CACHD1: variants seen among roughly 807,000 people sequenced by gnomAD.
CACHD1 encodes cache domain containing 1.
In CACHD1, 71 loss-of-function variants were observed where a neutral mutation model predicts 138.7. That is an observed-to-expected ratio of 0.51 (90% CI 0.42 to 0.62). The LOEUF (loss-of-function observed/expected upper bound fraction) is 0.62. Among genes scored for constraint, CACHD1 ranks in the 20% least tolerant of loss-of-function variants. CACHD1 has a pLI of 0.00. For missense variants in CACHD1, 1,389 were observed against 1,625.3 expected (o/e 0.85, Z 2.50); for synonymous variants, 578 against 591.5 (o/e 0.98, Z 0.33).
chr1:64,619,107 T>A (rs1170135881), intron 4 of CACHD1, among the ~76,000 whole-genome samples: 3 of 152,168 alleles, frequency 2.0e-5, no homozygotes. Flanking sequence ...CATGGTTGGT[T>A]TTGTTTTGAC....
At chr1:64,554,147 T>C (rs1258593159) in intron 2 of CACHD1, among the ~76,000 whole-genome samples, 2 of 152,186 alleles carry the variant, frequency 1.3e-5, no homozygotes, top group Non-Finnish European at 2.9e-5. Flanking sequence ...TCCTCCTGCC[T>C]CAGCCTCCCG....
intron 1 of CACHD1, among the ~76,000 whole-genome samples, chr1:64,537,327 A>G (rs1646640897): frequency 6.6e-6 from 1 of 151,998 alleles, no homozygotes; most frequent in South Asian, 2.1e-4. Flanking sequence ...TCTGCAACAT[A>G]TTTCTTAACT....
chr1:64,557,999 A>G (rs1326053981), intron 2 of CACHD1, among the ~76,000 whole-genome samples: 1 of 151,898 alleles, frequency 6.6e-6, no homozygotes, highest in African/African-American at 2.4e-5. Context: ...GGGTTTCACC[A>G]TGTTGGCCAG....
intron 8 of CACHD1, among the ~76,000 whole-genome samples, chr1:64,643,729 T>G (rs1458608218): frequency 2.0e-5 from 3 of 152,088 alleles, no homozygotes; most frequent in African/African-American, 7.2e-5. Context: ...TCCCAGCTAC[T>G]CGGGAAGCTG....
chr1:64,557,277 TG>T (rs1024633999), intron 2 of CACHD1, among the ~76,000 whole-genome samples: 2 of 152,162 alleles, frequency 1.3e-5, no homozygotes, highest in Non-Finnish European at 2.9e-5. Flanking sequence ...AGGAGCTTCT[TG>T]GGGGGCTTGA....
intron 1 of CACHD1, among the ~76,000 whole-genome samples, chr1:64,492,124 T>A (rs553511803): frequency 6.6e-6 from 1 of 151,828 alleles, no homozygotes; most frequent in African/African-American, 2.4e-5. Flanking sequence ...GAAGCTTTTT[T>A]TAAAAAAAGA....
chr1:64,602,997 TAA>T, intron 4 of CACHD1, 85 bp downstream of exon 4: 1 of 885,006 alleles, frequency 1.1e-6, no homozygotes, highest in Non-Finnish European at 1.8e-6. Flanking sequence ...TTTTTTTTTT[TAA>T]TTTTTGAAGA....
Position 64,647,990 on chromosome 1 carries a change from A to C in CACHD1, c.1346A>C (p.Asp449Ala). 6.2e-7 allele frequency: 1 copy of C among 1,614,012 alleles called. No homozygotes were observed. Among genetic ancestry groups the C allele is most frequent in the Non-Finnish European group, 8.5e-7 (1 of 1,179,994 alleles). Residue 449 changes from aspartate to alanine, a missense_variant, in exon 9 of 27, where the codon GAT (aspartate) becomes GCT (alanine). Transcript: ENST00000651257. The stretch of plus-strand genomic sequence containing the variant: ...ACAAACCTTCCCAACCGGATGATTG[A>C]TGAAGCCGTCTTCAGCCTGCCCTTC... ...FYTNLPNRMI[D>A]EAVFSLPFSD...
chr1:64,626,940 A>C (rs1648118550), intron 4 of CACHD1, among the ~76,000 whole-genome samples: 1 of 152,102 alleles, frequency 6.6e-6, no homozygotes, highest in Non-Finnish European at 1.5e-5. Flanking sequence ...GTAAGGATTT[A>C]GTATTTTTTT....
intron 10 of CACHD1, among the ~76,000 whole-genome samples, 189 bp downstream of exon 10, chr1:64,652,499 G>A (rs780022600): frequency 3.1e-4 from 47 of 152,028 alleles, no homozygotes; most frequent in Non-Finnish European, 1.0e-4. Flanking sequence ...GTGTTTCTCT[G>A]TTCTTTGAGG....
At chr1:64,684,746 A>G (rs1391241603) in intron 26 of CACHD1, among the ~76,000 whole-genome samples, 2 of 152,170 alleles carry the variant, frequency 1.3e-5, no homozygotes, top group Non-Finnish European at 2.9e-5. Flanking sequence ...CAGAACAACT[A>G]CCAATCCTGC....
chr1:64,586,327 G>A (rs906003491), intron 3 of CACHD1, among the ~76,000 whole-genome samples: 13 of 152,202 alleles, frequency 8.5e-5, no homozygotes, highest in African/African-American at 3.1e-4. Context: ...GCCTCCCAAA[G>A]TGCTGGAATT....
chr1:64,624,484 C>G (rs1213733363), intron 4 of CACHD1, among the ~76,000 whole-genome samples: 2 of 152,158 alleles, frequency 1.3e-5, no homozygotes, highest in African/African-American at 4.8e-5. Context: ...GCAGGGCTGT[C>G]TGGAGAACAG....
In CACHD1 at chr1:64,676,797, T is replaced by G. The variant is rs1415165725; in HGVS notation, c.2976-98T>G. 7 of 910,102 alleles carry G rather than the reference T, an allele frequency of 7.7e-6. No individual in the cohort carries two copies. The Admixed American group carries it at 1.5e-4, about 20-fold the overall frequency. 56.4% of individuals were successfully genotyped at this position (910,102 alleles called of 1,614,324 possible). ...ACACACTAAGTGGCAAAGCCAGGATTCAAACCCAAATCTGTCTGACTGCTG... is the reference window on the plus strand; with the variant it reads ...ACACACTAAGTGGCAAAGCCAGGATGCAAACCCAAATCTGTCTGACTGCTG... On this transcript the variant is annotated intron_variant, in intron 21 of 26. Transcript: ENST00000651257.
intron 1 of CACHD1, among the ~76,000 whole-genome samples, chr1:64,494,775 G>A (rs1360465984): frequency 6.6e-6 from 1 of 152,144 alleles, no homozygotes; most frequent in East Asian, 1.9e-4. Context: ...TGTTTTTTAT[G>A]TGCCAGGCAT....
At chr1:64,520,814 G>A (rs749529809) in intron 1 of CACHD1, among the ~76,000 whole-genome samples, 1 of 152,146 alleles carries the variant, frequency 6.6e-6, no homozygotes, top group Non-Finnish European at 1.5e-5. Context: ...TCTGTACATT[G>A]TCTCTACTCC....
At chr1:64,553,682 G>C (rs1331531969) in intron 2 of CACHD1, among the ~76,000 whole-genome samples, 3 of 151,966 alleles carry the variant, frequency 2.0e-5, no homozygotes, top group Non-Finnish European at 4.4e-5. Flanking sequence ...AACTTAGAAG[G>C]CCCTTGTATG....
rs749881134 is a variant in CACHD1, at chr1:64,664,671, G to C, written c.2268G>C (p.Arg756Ser). ...TGGACAAAGCATTTGATCCCACTAG[G>C]AGACAATGGTGAGTTTTAGGGGCTT... ...SLMDKAFDPT[R>S]RQWYLHAVAN... The change falls in exon 15 of 27, where the codon AGG becomes AGC. Residue 756 changes from arginine to serine, a missense_variant. Physicochemically the swap from Arg to Ser is moderately radical, Grantham distance 110 (BLOSUM62 -1). This residue lies in a region of CACHD1 where 1,000 missense variants were observed against 1,114.7 expected (regional missense o/e 0.90). Coordinates refer to ENST00000651257, the MANE Select transcript of CACHD1 (RefSeq NM_020925.4). 1.2e-6 allele frequency: 2 copies of C among 1,614,072 alleles called. No homozygotes were observed. Among genetic ancestry groups the C allele is most frequent in the Non-Finnish European group, 1.7e-6 (2 of 1,179,970 alleles).
In CACHD1 at chr1:64,664,511, A is replaced by G. The variant is rs1349077212; in HGVS notation, c.2108A>G (p.Asn703Ser). ...ANPGLKFSVR[N>S]EVMATSHVTD... The stretch of plus-strand genomic sequence containing the variant: ...TTTGTTTCCCAGTTCTCTGTCAGAA[A>G]TGAAGTAATGGCTACCAGCCACGTC... Residue 703 changes from asparagine (N) to serine (S), a missense_variant, in exon 15 of 27, where the codon AAT (asparagine) becomes AGT (serine). Physicochemically the swap from Asn to Ser is conservative, Grantham distance 46. Coordinates refer to ENST00000651257, the MANE Select transcript of CACHD1 (RefSeq NM_020925.4). 2.2e-5 allele frequency: 35 copies of G among 1,614,146 alleles called. No homozygotes were observed. Among genetic ancestry groups the G allele is most frequent in the South Asian group, 7.7e-5 (7 of 91,074 alleles).
Sources: allele counts gnomAD v4.1 joint callset (sites outside exome capture counted in the v4.1 genomes callset), GRCh38; gene constraint gnomAD v4.1.1; regional missense constraint gnomAD v4.1.1; transcripts MANE v1.5; gene names NCBI Gene and HGNC (gene_info 2026-07-23, HGNC 2026-07-21).